The following FGF12 variants were observed in gnomAD, a reference collection of about 807,000 sequenced individuals.
The protein encoded by FGF12 is fibroblast growth factor 12.
Under a neutral mutation model 23.6 loss-of-function variants are expected in FGF12, and 14 were observed. The observed-to-expected ratio is 0.59, with a 90% CI of 0.39 to 0.93. The LOEUF (loss-of-function observed/expected upper bound fraction) is 0.93, where lower values mean the gene tolerates loss of function less well. Ranked by LOEUF, FGF12 falls within the 40% of genes least tolerant of loss-of-function variation. The pLI is 0.00. For missense variants in FGF12, 175 were observed against 217.8 expected (o/e 0.80, Z 1.24); for synonymous variants, 62 against 77.3 (o/e 0.80, Z 1.04).
chr3:192,297,925 C>T (rs1194840607), intron 4 of FGF12, among the ~76,000 whole-genome samples: 1 of 152,074 alleles, frequency 6.6e-6, no homozygotes, highest in African/African-American at 2.4e-5. Flanking sequence ...TTTTAAGAGC[C>T]ACAGGTTTTT....
At chr3:192,617,595 C>G (rs1714809204) in intron 2 of FGF12, among the ~76,000 whole-genome samples, 1 of 152,096 alleles carries the variant, frequency 6.6e-6, no homozygotes, top group Non-Finnish European at 1.5e-5. Flanking sequence ...AGACCAATCC[C>G]TCTCAAACTT....
chr3:192,508,058 G>C (rs1724365300), intron 2 of FGF12, among the ~76,000 whole-genome samples: 1 of 152,154 alleles, frequency 6.6e-6, no homozygotes, highest in Non-Finnish European at 1.5e-5. Flanking sequence ...GATTCATCTT[G>C]TGTCACTAAG....
intron 2 of FGF12, among the ~76,000 whole-genome samples, chr3:192,597,278 C>G (rs2708309): frequency 6.6e-6 from 1 of 151,868 alleles, no homozygotes; most frequent in African/African-American, 2.4e-5. Context: ...CCTCAAAATT[C>G]TATTGAATCG....
intron 2 of FGF12, among the ~76,000 whole-genome samples, chr3:192,701,269 T>C (rs1234099407): frequency 1.3e-5 from 2 of 152,144 alleles, no homozygotes; most frequent in African/African-American, 2.4e-5. Flanking sequence ...GTCCTGTCTT[T>C]CCAGATGGAA....
chr3:192,244,846 C>A (rs894048896), intron 4 of FGF12: 1 of 152,116 alleles, frequency 6.6e-6, no homozygotes, highest in Non-Finnish European at 1.5e-5. Flanking sequence ...ATTAATGCAG[C>A]TTTACCTTAC....
intron 4 of FGF12, among the ~76,000 whole-genome samples, chr3:192,282,572 G>C (rs1276958454): frequency 6.6e-6 from 1 of 151,956 alleles, no homozygotes; most frequent in East Asian, 1.9e-4. Context: ...TTTCACTGTG[G>C]CTTCCAAGGA....
intron 2 of FGF12, among the ~76,000 whole-genome samples, chr3:192,494,285 T>A (rs979407884): frequency 6.6e-6 from 1 of 152,180 alleles, no homozygotes; most frequent in African/African-American, 2.4e-5. Flanking sequence ...TAACTCCCTC[T>A]GCAATATCCC....
chr3:192,567,801 C>CTTTCTTTA (rs1315183581), intron 2 of FGF12, among the ~76,000 whole-genome samples: 2 of 103,988 alleles, frequency 1.9e-5, no homozygotes, highest in African/African-American at 7.1e-5. Flanking sequence ...TTCTTTCTTT[C>CTTTCTTTA]TCTTTCTTTC....
At chr3:192,392,621 AG>A (rs1576942950) in intron 2 of FGF12, among the ~76,000 whole-genome samples, 2 of 118,048 alleles carry the variant, frequency 1.7e-5, no homozygotes, top group East Asian at 5.9e-4. Flanking sequence ...AGAGAGAGAG[AG>A]AGAGAGAGAG....
intron 2 of FGF12, among the ~76,000 whole-genome samples, chr3:192,642,672 T>C (rs1487762592): frequency 2.6e-5 from 4 of 152,218 alleles, no homozygotes; most frequent in African/African-American, 4.8e-5. Flanking sequence ...CCAGTAAGAA[T>C]TGCCTCTCTC....
At chr3:192,326,069 T>C (rs1211173866) in intron 4 of FGF12, among the ~76,000 whole-genome samples, 2 of 152,160 alleles carry the variant, frequency 1.3e-5, no homozygotes, top group Admixed American at 1.3e-4. Flanking sequence ...CCGATTCAAC[T>C]AGACTTCAGC....
At chr3:192,486,033 G>A (rs917813687) in intron 2 of FGF12, among the ~76,000 whole-genome samples, 8 of 151,998 alleles carry the variant, frequency 5.3e-5, no homozygotes, top group African/African-American at 1.7e-4. Context: ...CCATTAATAC[G>A]GTTTTTCATT....
chr3:192,670,675 G>A (rs2108693711), intron 2 of FGF12, among the ~76,000 whole-genome samples: 1 of 152,126 alleles, frequency 6.6e-6, no homozygotes, highest in African/African-American at 2.4e-5. Flanking sequence ...CAAAGTACTT[G>A]GACTCACAAA....
rs548852393 is a variant in FGF12 at position 192,175,958 on chromosome 3, GC to G, written c.229-5303del. On this transcript the variant is annotated intron_variant, in intron 4 of 5. Transcript: ENST00000445105. ...TTCTGGCTTCTTAGGGTCTACCACT[GC>G]CCAGGAAAAGTCCTTTCCTCTCTAG... Among the ~76,000 whole-genome samples the G allele has an allele frequency of 2.0e-5, 3 of 152,194 alleles. No homozygotes were observed. The South Asian group carries it at 6.2e-4, about 32-fold the overall frequency.
Position 192,519,451 on chromosome 3 carries a change from G to T in FGF12, c.14-158913C>A, listed in dbSNP as rs902858985. Among the ~76,000 whole-genome samples, 5 of 152,138 alleles carry T rather than the reference G, an allele frequency of 3.3e-5. No individual in the cohort carries two copies. The East Asian group carries it at 5.8e-4, about 18-fold the overall frequency. On this transcript the variant is annotated intron_variant, in intron 2 of 5. Coordinates refer to ENST00000445105, the MANE Select transcript of FGF12 (RefSeq NM_004113.6). ...CCTTCTTAGTATATCATTATGGCAG[G>T]GGGGAGGGTACATGATGTCAGTTAG... is the stretch of plus-strand genomic sequence containing the variant.
chr3:192,453,125 T>C (rs1296754459), intron 2 of FGF12, among the ~76,000 whole-genome samples: 1 of 152,178 alleles, frequency 6.6e-6, no homozygotes, highest in Non-Finnish European at 1.5e-5. Context: ...CTACCTTCCT[T>C]CTCTGCATTA....
chr3:192,684,813 A>G (rs6782008), intron 2 of FGF12, among the ~76,000 whole-genome samples: 58,958 of 151,966 alleles, frequency 0.39, 11,930 homozygotes, highest in East Asian at 0.62. Context: ...CATTCATATC[A>G]TAGTCTTCAT....
rs1715774207 is a variant in FGF12 at position 192,174,918 on chromosome 3, A to G, written c.229-4262T>C. Among the ~76,000 whole-genome samples, 7 of 152,186 alleles carry G rather than the reference A, an allele frequency of 4.6e-5. No individual in the cohort carries two copies. The South Asian group carries it at 1.4e-3, about 31-fold the overall frequency. The stretch of plus-strand genomic sequence containing the variant: ...AATGTTTAGAATTTAACAACCTCCA[A>G]CTCATTATTCACTTTTCACATAGCA... On this transcript the variant is annotated intron_variant, in intron 4 of 5. Transcript: ENST00000445105.
chr3:192,453,038 C>T (rs368879729), intron 2 of FGF12, among the ~76,000 whole-genome samples: 3 of 152,148 alleles, frequency 2.0e-5, no homozygotes, highest in Non-Finnish European at 4.4e-5. Flanking sequence ...TTTGTCCTTT[C>T]GTTCTGGGAC....
Sources: gnomAD v4.1 joint callset for allele counts (sites outside exome capture counted in the v4.1 genomes callset) on GRCh38, gnomAD v4.1.1 for gene constraint, MANE v1.5 for transcripts, NCBI Gene and HGNC (gene_info 2026-07-23, HGNC 2026-07-21) for gene names.